Variants in PCDHGA3 observed in about 807,000 individuals in gnomAD.
The protein encoded by PCDHGA3 is protocadherin gamma-A3.
In PCDHGA3, 40 loss-of-function variants were observed where a neutral mutation model predicts 58.5. That is an observed-to-expected ratio of 0.68 (90% CI 0.53 to 0.89). PCDHGA3 has a LOEUF of 0.89. Ranked by LOEUF, PCDHGA3 falls within the 40% of genes least tolerant of loss-of-function variation. The probability of loss-of-function intolerance (pLI) is 0.00; values close to 1 mark genes in which losing one functional copy is unlikely to be tolerated. For missense variants in PCDHGA3, 1,223 were observed against 1,195.9 expected (o/e 1.02, Z -0.33); for synonymous variants, 530 against 525.7 (o/e 1.01, Z -0.11).
chr5:141,362,321 C>T, intron 1 of PCDHGA3: 1 of 1,614,078 alleles, frequency 6.2e-7, no homozygotes, highest in Admixed American at 1.7e-5. Flanking sequence ...TGTTTTCAGC[C>T]TGGTCTCAGC....
At position 141,477,843 on chromosome 5, in the gene PCDHGA3, C is replaced by T; in HGVS notation, c.2425-16964C>T. The T allele has an allele frequency of 6.2e-7, 1 of 1,613,408 alleles. No homozygotes were observed. Among genetic ancestry groups the T allele is most frequent in the Non-Finnish European group, 8.5e-7 (1 of 1,179,796 alleles). On this transcript the variant is annotated intron_variant, in intron 1 of 3. Coordinates refer to ENST00000253812, the MANE Select transcript of PCDHGA3 (RefSeq NM_018916.4). The surrounding 1 kb of genome is among the most constrained non-coding windows in gnomAD (Gnocchi z 4.9). Reference sequence around the variant, plus strand: ...CTATATCCTCGGCCAGGTGGGAGCTCGGTGGAGATGCTGCCTCGAGGTACC... The same window carrying T: ...CTATATCCTCGGCCAGGTGGGAGCTTGGTGGAGATGCTGCCTCGAGGTACC...
chr5:141,374,510 C>T (rs760895208), intron 1 of PCDHGA3: 2 of 1,611,824 alleles, frequency 1.2e-6, no homozygotes, highest in East Asian at 2.2e-5. Context: ...AGTGAAAATT[C>T]TCGAAAACGC....
At chr5:141,414,221 C>A in intron 1 of PCDHGA3, 1 of 1,613,126 alleles carries the variant, frequency 6.2e-7, no homozygotes, top group Non-Finnish European at 8.5e-7. Flanking sequence ...GACAACAGTC[C>A]AGAGCTGACC....
In PCDHGA3 at chr5:141,475,486, T is replaced by C. The variant is rs576743657; in HGVS notation, c.2425-19321T>C. Among the ~76,000 whole-genome samples, 14 of 152,370 alleles carry C rather than the reference T, an allele frequency of 9.2e-5. No homozygotes were observed. In the East Asian group the frequency reaches 2.7e-3, roughly 29 times the overall value. On this transcript the variant is annotated intron_variant, in intron 1 of 3. Transcript: ENST00000253812. ...AATGCTAATTTCATTTGGTAAGAGA[T>C]AAAACTGAAATTATTAATGTCTCCA...
chr5:141,360,645 C>T, intron 1 of PCDHGA3: 3 of 1,613,980 alleles, frequency 1.9e-6, no homozygotes, highest in Non-Finnish European at 2.5e-6. Flanking sequence ...TACAAAGATA[C>T]CACCTTAATG....
rs1757572713 is a variant in PCDHGA3, at chr5:141,345,436, G to C, written c.1403G>C (p.Gly468Ala). ...SAYIPENNPR[G>A]ASIFSVTAQD... ...TACATTCCAGAAAACAACCCCAGAG[G>C]AGCCTCCATCTTCTCAGTGACAGCC... The change falls in exon 1 of 4, where the codon GGA becomes GCA. Residue 468 changes from glycine to alanine, a missense_variant. Physicochemically the swap from Gly to Ala is moderately conservative, Grantham distance 60. This residue lies in a region of PCDHGA3 where 791 missense variants were observed against 708.5 expected (regional missense o/e 1.12). Transcript: ENST00000253812. 1 of 1,613,908 alleles carries C rather than the reference G, an allele frequency of 6.2e-7. No homozygotes were observed. The highest frequency in any genetic ancestry group is 1.7e-5 in the Admixed American group (1 of 59,994).
At position 141,491,448 on chromosome 5, in the gene PCDHGA3, A is replaced by G; in HGVS notation, c.2425-3359A>G. ...GGCAGTGCTGCAGGCGCCAGGACTC[A>G]CCCTCCCCGGACTTCTATAAGCAGT... On this transcript the variant is annotated intron_variant, in intron 1 of 3. Coordinates refer to ENST00000253812, the MANE Select transcript of PCDHGA3 (RefSeq NM_018916.4). The surrounding 1 kb of genome is among the most constrained non-coding windows in gnomAD (Gnocchi z 6.9). The G allele has an allele frequency of 6.2e-7, 1 of 1,613,792 alleles. No homozygotes were observed. The highest frequency in any genetic ancestry group is 8.5e-7 in the Non-Finnish European group (1 of 1,179,986).
chr5:141,352,816 C>T, intron 1 of PCDHGA3: 1 of 816,734 alleles, frequency 1.2e-6, no homozygotes, highest in Non-Finnish European at 1.9e-6. Flanking sequence ...ATGGTAAAAC[C>T]CGGTCTACTA....
chr5:141,411,538 C>G (rs1418802121), intron 1 of PCDHGA3: 1 of 152,268 alleles, frequency 6.6e-6, no homozygotes, highest in Non-Finnish European at 1.5e-5. Context: ...GAGCCCTGAT[C>G]TTGCCACTGC....
intron 1 of PCDHGA3, chr5:141,394,242 CACGACCCCG>C (rs1450725417): frequency 1.2e-6 from 2 of 1,613,838 alleles, no homozygotes; most frequent in Non-Finnish European, 1.7e-6. Flanking sequence ...CTTGACTGCA[CACGACCCCG>C]ACAGCCAGGA....
chr5:141,469,419 A>G (rs1047562022), intron 1 of PCDHGA3, among the ~76,000 whole-genome samples: 2 of 152,066 alleles, frequency 1.3e-5, no homozygotes, highest in South Asian at 2.1e-4. Flanking sequence ...TACTAAAAAT[A>G]TAAAACTTAG....
intron 1 of PCDHGA3, among the ~76,000 whole-genome samples, chr5:141,445,582 T>C (rs886701142): frequency 6.6e-6 from 1 of 152,214 alleles, no homozygotes; most frequent in Non-Finnish European, 1.5e-5. Context: ...TAGGGAAGCT[T>C]CGCCTAATCT....
In PCDHGA3 at chr5:141,345,183, G is replaced by A. The variant is rs1561489350; in HGVS notation, c.1150G>A (p.Val384Ile). ...TTCTGGGCAGAATGGGCAGGTTGAAGTTTTTGTCCTGGGAAATCTGCCATT... is the reference window on the plus strand; with the variant it reads ...TTCTGGGCAGAATGGGCAGGTTGAAATTTTTGTCCTGGGAAATCTGCCATT... The part of the protein sequence containing the change: ...RDSGQNGQVE[V>I]FVLGNLPFKL... The change falls in exon 1 of 4, where the codon GTT (valine) becomes ATT (isoleucine). Residue 384 changes from valine (V) to isoleucine (I), a missense_variant. Physicochemically the swap from Val to Ile is conservative, Grantham distance 29 (BLOSUM62 3). This residue lies in a region of PCDHGA3 where 791 missense variants were observed against 708.5 expected (regional missense o/e 1.12). Transcript: ENST00000253812. 1 of 1,614,026 alleles carries A rather than the reference G, an allele frequency of 6.2e-7. No homozygotes were observed. The highest frequency in any genetic ancestry group is 8.5e-7 in the Non-Finnish European group (1 of 1,179,902).
rs1562131721 is a variant in PCDHGA3, at chr5:141,489,636, C to CGAGA, written c.2425-5171_2425-5170insGAGA. 10 of 1,614,074 alleles carry CGAGA rather than the reference C, an allele frequency of 6.2e-6. No individual in the cohort carries two copies. The highest frequency in any genetic ancestry group is 2.7e-5 in the African/African-American group (2 of 74,930). On this transcript the variant is annotated intron_variant, in intron 1 of 3. Coordinates refer to ENST00000253812, the MANE Select transcript of PCDHGA3 (RefSeq NM_018916.4). This position sits in a 1 kb window ranked among gnomAD's most constrained non-coding sequence, Gnocchi z 4.5. ...TGGATCTCAATGACAACTCTCCTAG[C>CGAGA]TTTGCCACCCCTGAGCGAGAGATGC...
intron 1 of PCDHGA3, chr5:141,374,258 T>C: frequency 2.5e-6 from 4 of 1,613,924 alleles, no homozygotes; most frequent in East Asian, 2.2e-5. Flanking sequence ...GCCCCAGGAG[T>C]TGGCGGAGCA....
At chr5:141,346,499 G>A (rs1411471058) in intron 1 of PCDHGA3, 42 bp downstream of exon 1, 1 of 1,611,114 alleles carries the variant, frequency 6.2e-7, no homozygotes, top group Non-Finnish European at 8.5e-7. Flanking sequence ...ACAAATATGA[G>A]AATGTGGTTA....
rs1221200737 is a variant in PCDHGA3, at chr5:141,364,170, T to G, written c.2424+17713T>G. 16 of 776,358 alleles carry G rather than the reference T, an allele frequency of 2.1e-5. No homozygotes were observed. The East Asian group carries it at 4.0e-4, about 19-fold the overall frequency. The allele number at this position is 776,358 out of a possible 1,614,324, so 48.1% of individuals were successfully genotyped here. A position where few individuals can be genotyped will look rare whatever the true frequency, so the allele number is the denominator to read the frequency against. The stretch of plus-strand genomic sequence containing the variant: ...GAAGCTGCCGCAGAGGCGACCCGAC[T>G]CTGCTCCCTCCATACTAAACACACA... On this transcript the variant is annotated intron_variant, in intron 1 of 3. Coordinates refer to ENST00000253812, the MANE Select transcript of PCDHGA3 (RefSeq NM_018916.4).
intron 1 of PCDHGA3, among the ~76,000 whole-genome samples, chr5:141,402,221 G>A (rs567791316): frequency 1.3e-5 from 2 of 151,942 alleles, no homozygotes; most frequent in Admixed American, 6.5e-5. Context: ...TAAAATAAAC[G>A]TTTTTCCAGG....
At chr5:141,422,911 G>A (rs375046528) in intron 1 of PCDHGA3, 5 of 1,614,118 alleles carry the variant, frequency 3.1e-6, no homozygotes, top group African/African-American at 2.7e-5. Flanking sequence ...CAATGCGCCC[G>A]AGATCCTGTA....
Sources: allele counts gnomAD v4.1 joint callset (sites outside exome capture counted in the v4.1 genomes callset), GRCh38; gene constraint gnomAD v4.1.1; regional missense constraint gnomAD v4.1.1; non-coding constraint Gnocchi (gnomAD v3.1); transcripts MANE v1.5; gene names NCBI Gene and HGNC (gene_info 2026-07-23, HGNC 2026-07-21).